The following NOP53 variants were observed in gnomAD, a reference collection of about 807,000 sequenced individuals.
The protein encoded by NOP53 is ribosome biogenesis protein NOP53.
In NOP53, 40 loss-of-function variants were observed where a neutral mutation model predicts 61.0. The observed-to-expected ratio is 0.66, with a 90% CI of 0.51 to 0.85. The LOEUF (loss-of-function observed/expected upper bound fraction) is 0.85, where lower values mean the gene tolerates loss of function less well. Ranked by LOEUF, NOP53 falls within the 40% of genes least tolerant of loss-of-function variation. The pLI is 0.00. For missense variants in NOP53, 689 were observed against 652.9 expected (o/e 1.06, Z -0.60); for synonymous variants, 308 against 289.5 (o/e 1.06, Z -0.65).
chr19:47,756,682 C>T lies in NOP53; in HGVS notation c.1374-6C>T, dbSNP rs376431941. 3.1e-6 allele frequency: 5 copies of T among 1,613,800 alleles called. No individual in the cohort carries two copies. In the African/African-American group the frequency reaches 6.7e-5, roughly 22 times the overall value. ...GGCACTGATTGCTCCATTGTCCCTG[C>T]TCCAGGTTCAAACGCAAGTACAAGG... On this transcript the variant is annotated splice_region_variant and splice_polypyrimidine_tract_variant and intron_variant, in intron 11 of 12. Transcript: ENST00000246802.
At position 47,747,408 on chromosome 19, in the gene NOP53, C is replaced by T. The variant is rs765202671; in HGVS notation, c.289+377C>T. Among the ~76,000 whole-genome samples the T allele has an allele frequency of 2.1e-4, 32 of 152,032 alleles. 1 individual carries two copies. The highest frequency in any genetic ancestry group is 4.3e-4 in the Non-Finnish European group (29 of 68,000). ...TGTATTCCCAGTACTTTGGGAGGCT[C>T]AGGCAGGCAGATCACCTGAGGTCAG... On this transcript the variant is annotated intron_variant, in intron 2 of 12. Transcript: ENST00000246802.
rs1967114747 is a variant in NOP53 at position 47,750,809 on chromosome 19, G to A, written c.399-99G>A. Reference sequence around the variant, plus strand: ...CACCTTTTGGAGAGGGGGTGCTGAAGCTGCCTTAATGGTGGAGGAAGCCCG... The same window carrying A: ...CACCTTTTGGAGAGGGGGTGCTGAAACTGCCTTAATGGTGGAGGAAGCCCG... On this transcript the variant is annotated intron_variant, in intron 3 of 12. Transcript: ENST00000246802. The A allele has an allele frequency of 2.8e-5, 27 of 960,152 alleles. No individual in the cohort carries two copies. In the South Asian group the frequency reaches 3.8e-4, roughly 13 times the overall value. 59.5% of individuals were successfully genotyped at this position (960,152 alleles called of 1,614,324 possible).
At position 47,754,817 on chromosome 19, in the gene NOP53, ACGCCCGCCC is replaced by A; in HGVS notation, c.980_988del (p.Thr327_Arg330delinsSer). ...GGCTGGGGATGCCGAGGTCTGTCCC[ACGCCCGCCC>A]GCCTGGCCACCACAGAGAAGAAGAC... On this transcript the variant is annotated inframe_deletion, in exon 8 of 13. Coordinates refer to ENST00000246802, the MANE Select transcript of NOP53 (RefSeq NM_015710.5). The surrounding 1 kb of genome is among the most constrained non-coding windows in gnomAD (Gnocchi z 4.2). 1.3e-6 allele frequency: 2 copies of A among 1,533,598 alleles called. No individual in the cohort carries two copies. Among genetic ancestry groups the A allele is most frequent in the East Asian group, 4.7e-5 (2 of 42,256 alleles). 95.0% of individuals were successfully genotyped at this position (1,533,598 alleles called of 1,614,324 possible). A position where few individuals can be genotyped will look rare whatever the true frequency, so the allele number is the denominator to read the frequency against.
chr19:47,756,159 G>A, intron 10 of NOP53: 1 of 510,416 alleles, frequency 2.0e-6, no homozygotes, highest in Non-Finnish European at 3.5e-6. Context: ...GTGCCCCTGA[G>A]GAAGCCCAGC....
rs1278288257 is a variant in NOP53 at position 47,755,402 on chromosome 19, C to T, written c.1108C>T (p.Arg370Trp). The change falls in exon 9 of 13, where the codon CGG becomes TGG. Residue 370 changes from arginine (R) to tryptophan (W), a missense_variant. Arg to Trp is a moderately radical substitution (Grantham distance 101). Coordinates refer to ENST00000246802, the MANE Select transcript of NOP53 (RefSeq NM_015710.5). ...CCGGCTCCGGCACCAGGAGCTGTTC[C>T]GGCTGCGCGGGATCAAGGCCCAGGT... is the stretch of plus-strand genomic sequence containing the variant. ...AARLRHQELFRLRGIKAQVAL... is the reference protein window; with the variant it reads ...AARLRHQELFWLRGIKAQVAL... 9.8e-6 allele frequency: 15 copies of T among 1,531,934 alleles called. No individual in the cohort carries two copies. The highest frequency in any genetic ancestry group is 2.4e-5 in the South Asian group (2 of 83,156). 94.9% of individuals were successfully genotyped at this position (1,531,934 alleles called of 1,614,324 possible). A position where few individuals can be genotyped will look rare whatever the true frequency, so the allele number is the denominator to read the frequency against.
At chr19:47,745,849 T>G in intron 1 of NOP53, 66 bp downstream of exon 1, 1 of 393,554 alleles carries the variant, frequency 2.5e-6, no homozygotes, top group South Asian at 7.1e-5. Context: ...CCAGGCGTGC[T>G]TGCGTGGACT....
chr19:47,746,598 C>A, intron 1 of NOP53: 2 of 172,552 alleles, frequency 1.2e-5, no homozygotes, highest in East Asian at 1.7e-4. Context: ...AACTCCTGAC[C>A]TTAGGTGATC....
At chr19:47,756,923 A>AGGCAGGGGGTGTCAGGTC in intron 12 of NOP53, 76 bp from the exon 13 acceptor site, 1 of 1,592,242 alleles carries the variant, frequency 6.3e-7, no homozygotes, top group Non-Finnish European at 8.6e-7. Flanking sequence ...GGAAACTGAA[A>AGGCAGGGGGTGTCAGGTC]GGCAGGGGGT....
rs2123677424 is a variant in NOP53, at chr19:47,754,406, G to C, written c.766-121G>C. ...TGTGCTGGTAGACGGGGTGTGGGGA[G>C]GAAAGCCTGGGCCGGGGCGGGATCC... On this transcript the variant is annotated intron_variant, in intron 6 of 12. Coordinates refer to ENST00000246802, the MANE Select transcript of NOP53 (RefSeq NM_015710.5). This position sits in a 1 kb window ranked among gnomAD's most constrained non-coding sequence, Gnocchi z 4.2. 1 of 771,418 alleles carries C rather than the reference G, an allele frequency of 1.3e-6. No individual in the cohort carries two copies. The highest frequency in any genetic ancestry group is 2.7e-5 in the East Asian group (1 of 36,968). The allele number at this position is 771,418 out of a possible 1,614,324, so 47.8% of individuals were successfully genotyped here.
rs1390465999 is a variant in NOP53 at position 47,755,340 on chromosome 19, C to A, written c.1054-8C>A. On this transcript the variant is annotated splice_polypyrimidine_tract_variant and splice_region_variant and intron_variant, in intron 8 of 12. Transcript: ENST00000246802. ...GGCCTGAGCCCTGACCCTCCCCCGT[C>A]TCCACAGCGGGTACAGCAGGCCGCG... 2 of 1,492,118 alleles carry A rather than the reference C, an allele frequency of 1.3e-6. No individual in the cohort carries two copies. Among genetic ancestry groups the A allele is most frequent in the East Asian group, 2.7e-5 (1 of 37,334 alleles). 92.4% of individuals were successfully genotyped at this position (1,492,118 alleles called of 1,614,324 possible). A position where few individuals can be genotyped will look rare whatever the true frequency, so the allele number is the denominator to read the frequency against.
intron 8 of NOP53, 112 bp downstream of exon 8, chr19:47,755,003 C>T (rs374808482): frequency 4.8e-5 from 49 of 1,013,108 alleles, no homozygotes; most frequent in East Asian, 4.2e-4. Context: ...CCAAGCCCCG[C>T]ATGTGGCCTG....
intron 9 of NOP53, 82 bp downstream of exon 9, chr19:47,755,605 G>A (rs1297836847): frequency 8.6e-6 from 12 of 1,393,094 alleles, no homozygotes; most frequent in Non-Finnish European, 1.2e-5. Context: ...CCTTTGTTCA[G>A]GAACTGCCCA....
At chr19:47,747,775 C>G (rs1356838415) in intron 2 of NOP53, among the ~76,000 whole-genome samples, 1 of 129,498 alleles carries the variant, frequency 7.7e-6, no homozygotes, top group Non-Finnish European at 1.6e-5. Context: ...TCTTTTCTCT[C>G]TCTCTTTTTT....
chr19:47,756,805 C>G, intron 12 of NOP53, 61 bp downstream of exon 12: 1 of 1,570,372 alleles, frequency 6.4e-7, no homozygotes, highest in Non-Finnish European at 8.8e-7. Flanking sequence ...TGGTGCCCAC[C>G]GAGTCCCAGG....
At chr19:47,751,478 A>G in intron 4 of NOP53, 42 bp from the exon 5 acceptor site, 3 of 1,510,208 alleles carry the variant, frequency 2.0e-6, no homozygotes, top group Middle Eastern at 1.7e-4. Context: ...TGCCTCTTCC[A>G]TGCTGGGACT....
intron 10 of NOP53, chr19:47,756,141 G>C: frequency 2.0e-6 from 1 of 509,482 alleles, no homozygotes; most frequent in Non-Finnish European, 3.5e-6. Flanking sequence ...ACCTGCTGTG[G>C]CTCCCCAGTG....
At chr19:47,755,854 G>A in intron 10 of NOP53, 32 bp downstream of exon 10, 2 of 1,557,552 alleles carry the variant, frequency 1.3e-6, no homozygotes, top group Non-Finnish European at 1.8e-6. Context: ...GGAGCCCCGT[G>A]CCCAGTGATG....
chr19:47,751,686 T>G, intron 5 of NOP53, 96 bp downstream of exon 5: 1 of 950,236 alleles, frequency 1.1e-6, no homozygotes, highest in South Asian at 1.4e-5. Context: ...TCAGAGCCCT[T>G]CCATCCCAGT....
At chr19:47,747,202 C>T (rs987938610) in intron 2 of NOP53, among the ~76,000 whole-genome samples, 171 bp downstream of exon 2, 35 of 152,086 alleles carry the variant, frequency 2.3e-4, no homozygotes, top group African/African-American at 7.7e-4. Context: ...AAGCTGGAGA[C>T]GAACTTAGAG....
Sources: allele counts gnomAD v4.1 joint callset (sites outside exome capture counted in the v4.1 genomes callset), GRCh38; gene constraint gnomAD v4.1.1; non-coding constraint Gnocchi (gnomAD v3.1); transcripts MANE v1.5; gene names NCBI Gene and HGNC (gene_info 2026-07-23, HGNC 2026-07-21).